RNF212: variants seen among roughly 807,000 people sequenced by gnomAD.
RNF212 encodes probable E3 SUMO-protein ligase RNF212.
A neutral mutation model predicts 34.7 loss-of-function variants in RNF212; 33 were observed. The observed-to-expected ratio is 0.95, with a 90% confidence interval of 0.72 to 1.27. The LOEUF is 1.27. Ranked by LOEUF, RNF212 falls within the 50% of genes most tolerant of loss-of-function variation. RNF212 has a pLI of 0.00. For synonymous variants in RNF212, 140 were observed against 136.1 expected, an observed-to-expected ratio of 1.03 and a Z score of -0.20; for missense variants, 377 against 362.2, an observed-to-expected ratio of 1.04 and a Z score of -0.33.
intron 3 of RNF212, among the ~76,000 whole-genome samples, chr4:1,091,409 C>A (rs1288885288): frequency 2.6e-5 from 4 of 152,186 alleles, no homozygotes; most frequent in African/African-American, 7.2e-5. Flanking sequence ...GTGATTTCCT[C>A]AGAGGAAGAA....
chr4:1,094,495 G>A (rs1336925953), intron 3 of RNF212, among the ~76,000 whole-genome samples: 3 of 152,202 alleles, frequency 2.0e-5, no homozygotes, highest in Non-Finnish European at 4.4e-5. Flanking sequence ...GCAACTGAGA[G>A]GACTGGCACA....
chr4:1,100,999 A>G, intron 2 of RNF212: 1 of 178,180 alleles, frequency 5.6e-6, no homozygotes, highest in Middle Eastern at 7.1e-4. Flanking sequence ...GTCAGGCTTG[A>G]TATCCACAAT....
At chr4:1,106,013 G>A (rs564239945) in intron 2 of RNF212, among the ~76,000 whole-genome samples, 15 of 152,330 alleles carry the variant, frequency 9.8e-5, no homozygotes, top group African/African-American at 3.4e-4. Flanking sequence ...GGACTTTGGC[G>A]CTTACTCCTG....
intron 3 of RNF212, among the ~76,000 whole-genome samples, chr4:1,059,884 C>T (rs559344442): frequency 5.3e-5 from 8 of 151,952 alleles, no homozygotes; most frequent in South Asian, 2.1e-4. Context: ...CACCTGAGGT[C>T]GGGAGTTCAA....
At chr4:1,093,885 T>G (rs1416580732) in intron 3 of RNF212, 1 of 1,536,142 alleles carries the variant, frequency 6.5e-7, no homozygotes, top group African/African-American at 1.4e-5. Context: ...GCCCGTGTTG[T>G]GCTGACCCAG....
chr4:1,075,040 C>G (rs1297576199), intron 8 of RNF212, among the ~76,000 whole-genome samples: 3 of 152,198 alleles, frequency 2.0e-5, no homozygotes, highest in Admixed American at 2.0e-4. Flanking sequence ...CGTTCAAGTG[C>G]TGGTGTCTTT....
intron 3 of RNF212, 130 bp downstream of exon 3, chr4:1,096,635 T>C (rs662731): frequency 0.066 from 32,794 of 498,050 alleles, 2,198 homozygotes; most frequent in African/African-American, 0.31. Flanking sequence ...AGCACACCCC[T>C]CACAGCTCCA....
intron 7 of RNF212, among the ~76,000 whole-genome samples, chr4:1,081,049 G>A (rs1426072376): frequency 3.3e-5 from 5 of 152,238 alleles, no homozygotes; most frequent in African/African-American, 1.2e-4. Context: ...CCAGGTGAAA[G>A]AAGGATTCCA....
intron 1 of RNF212, among the ~76,000 whole-genome samples, 198 bp from the exon 2 acceptor site, chr4:1,108,602 T>C (rs540095687): frequency 4.6e-4 from 70 of 152,316 alleles, no homozygotes; most frequent in African/African-American, 1.6e-3. Flanking sequence ...TCCCCTCTTT[T>C]GCAAATATGT....
chr4:1,112,851 T>G, intron 1 of RNF212, among the ~76,000 whole-genome samples: 1 of 60,956 alleles, frequency 1.6e-5, no homozygotes, highest in African/African-American at 7.0e-5. Context: ...ATCCCCCACC[T>G]TGCCCCCCTC....
chr4:1,073,826 G>A lies in RNF212; in HGVS notation c.511-164C>T, dbSNP rs894403109. 59 of 632,376 alleles carry A rather than the reference G, an allele frequency of 9.3e-5. 1 individual carries two copies. In the East Asian group the frequency reaches 9.6e-4, roughly 10 times the overall value. 39.2% of individuals were successfully genotyped at this position (632,376 alleles called of 1,614,324 possible). On this transcript the variant is annotated intron_variant, in intron 8 of 9. Coordinates refer to ENST00000433731, the MANE Select transcript of RNF212 (RefSeq NM_001131034.4). Reference sequence around the variant, plus strand: ...TAACTTGATTCTGTGTTCACCTCCCGACTCTGCCTGCTGGTGGTAGAGGTG... The same window carrying A: ...TAACTTGATTCTGTGTTCACCTCCCAACTCTGCCTGCTGGTGGTAGAGGTG...
intron 2 of RNF212, chr4:1,100,144 T>C (rs760922157): frequency 3.0e-6 from 1 of 336,962 alleles, no homozygotes; most frequent in Non-Finnish European, 5.8e-6. Context: ...CTTCTTTTGC[T>C]TGCTGCCTGT....
At chr4:1,100,094 A>C in intron 2 of RNF212, 1 of 344,862 alleles carries the variant, frequency 2.9e-6, no homozygotes, top group Non-Finnish European at 5.7e-6. Context: ...CTTACACAGG[A>C]CTTCCTTGCT....
chr4:1,094,957 GA>G (rs1419896039), intron 3 of RNF212, among the ~76,000 whole-genome samples: 1 of 152,208 alleles, frequency 6.6e-6, no homozygotes, highest in Non-Finnish European at 1.5e-5. Context: ...TCACCATTAA[GA>G]AAGTAAAAAT....
intron 4 of RNF212, among the ~76,000 whole-genome samples, chr4:1,057,688 T>C (rs1049466639): frequency 2.6e-5 from 4 of 152,260 alleles, no homozygotes; most frequent in African/African-American, 9.6e-5. Context: ...ATTCCTGTGG[T>C]AGAACAGCAC....
At chr4:1,058,874 C>T (rs113061374) in intron 3 of RNF212, among the ~76,000 whole-genome samples, 3,775 of 152,282 alleles carry the variant, frequency 0.025, 48 homozygotes, top group Non-Finnish European at 0.041. Context: ...ATCTGGAGCA[C>T]GAGCTTCCTC....
intron 3 of RNF212, among the ~76,000 whole-genome samples, chr4:1,091,045 G>C (rs1237531671): frequency 6.6e-6 from 1 of 152,244 alleles, no homozygotes; most frequent in African/African-American, 2.4e-5. Context: ...GGGCATGATA[G>C]GAAAGTCTCC....
At chr4:1,095,556 A>G (rs1345568742) in intron 3 of RNF212, among the ~76,000 whole-genome samples, 2 of 97,410 alleles carry the variant, frequency 2.1e-5, no homozygotes, top group African/African-American at 5.6e-5. Context: ...GGCTCATCAC[A>G]GAACCAAGCA....
At chr4:1,076,838 C>A (rs1184609285) in intron 8 of RNF212, among the ~76,000 whole-genome samples, 1 of 152,220 alleles carries the variant, frequency 6.6e-6, no homozygotes, top group Non-Finnish European at 1.5e-5. Context: ...CATGGTCATG[C>A]CTATTAGCTT....
Sources: gnomAD v4.1 joint callset for allele counts (sites outside exome capture counted in the v4.1 genomes callset) on GRCh38, gnomAD v4.1.1 for gene constraint, MANE v1.5 for transcripts, NCBI Gene and HGNC (gene_info 2026-07-23, HGNC 2026-07-21) for gene names.